CSMD3: variants seen among roughly 807,000 people sequenced by gnomAD.
The protein encoded by CSMD3 is CUB and Sushi multiple domains 3.
CSMD3 carries 177 observed loss-of-function variants against 435.2 expected under a neutral mutation model. The observed-to-expected ratio is 0.41, with a 90% CI of 0.36 to 0.46. The LOEUF is 0.46. CSMD3 is among the 20% of genes least tolerant of loss of function. The pLI is 0.34. For synonymous variants in CSMD3, 1,656 were observed against 1,520.5 expected (o/e 1.09, Z -2.07); for missense variants, 4,265 against 4,504.6 (o/e 0.95, Z 1.52).
At position 112,994,467 on chromosome 8, in the gene CSMD3, T is replaced by G. The variant is rs566093812; in HGVS notation, c.1031-18319A>C. On this transcript the variant is annotated intron_variant, in intron 6 of 70. Transcript: ENST00000297405. The stretch of plus-strand genomic sequence containing the variant: ...ATATAAAATGCCCTTTTGTCAATAT[T>G]TTTTCATGAAAAATTATCATACAGG... 1.2e-4 allele frequency among the ~76,000 whole-genome samples: 18 copies of G among 151,786 alleles called. No individual in the cohort carries two copies. The East Asian group carries it at 3.5e-3, about 29-fold the overall frequency.
At chr8:113,215,976 G>A (rs917294298) in intron 3 of CSMD3, among the ~76,000 whole-genome samples, 1 of 151,658 alleles carries the variant, frequency 6.6e-6, no homozygotes, top group African/African-American at 2.4e-5. Context: ...CAAAAAGGCA[G>A]GGAGAACAGC....
chr8:112,552,021 A>G (rs999593591), intron 26 of CSMD3, among the ~76,000 whole-genome samples: 6 of 151,974 alleles, frequency 3.9e-5, no homozygotes, highest in African/African-American at 1.4e-4. Flanking sequence ...GGTAGTAACA[A>G]TGTGAGGAAC....
At chr8:112,598,780 A>G (rs1290223452) in intron 22 of CSMD3, among the ~76,000 whole-genome samples, 2 of 152,152 alleles carry the variant, frequency 1.3e-5, no homozygotes, top group Non-Finnish European at 2.9e-5. Flanking sequence ...AGGATTCCCT[A>G]TTTAATAAAT....
At chr8:112,331,987 T>C (rs1824112835) in intron 45 of CSMD3, among the ~76,000 whole-genome samples, 1 of 152,112 alleles carries the variant, frequency 6.6e-6, no homozygotes, top group Admixed American at 6.6e-5. Flanking sequence ...GGATGTAATT[T>C]AGAAATTACA....
intron 41 of CSMD3, among the ~76,000 whole-genome samples, chr8:112,343,003 A>ATATATATATATATT (rs58579812): frequency 6.6e-5 from 8 of 120,870 alleles, no homozygotes; most frequent in Admixed American, 1.8e-4. Context: ...ATATATATTT[A>ATATATATATATATT]TATATATATA....
chr8:113,343,398 G>T (rs528651442), intron 1 of CSMD3, among the ~76,000 whole-genome samples: 22 of 152,008 alleles, frequency 1.4e-4, no homozygotes, highest in Admixed American at 1.4e-3. Context: ...TAGTAAAATT[G>T]AAAACATATC....
At chr8:113,025,011 G>A (rs933728041) in intron 5 of CSMD3, among the ~76,000 whole-genome samples, 2 of 132,626 alleles carry the variant, frequency 1.5e-5, no homozygotes, top group Non-Finnish European at 3.1e-5. Context: ...TGTTTCACTT[G>A]AGATAACTGT....
intron 13 of CSMD3, among the ~76,000 whole-genome samples, chr8:112,691,207 C>A (rs1464669857): frequency 1.3e-5 from 2 of 152,124 alleles, no homozygotes; most frequent in Non-Finnish European, 2.9e-5. Context: ...ATCCTTGTAT[C>A]CTTAGCAGAA....
At chr8:113,365,685 A>C (rs1167603025) in intron 1 of CSMD3, among the ~76,000 whole-genome samples, 1 of 152,050 alleles carries the variant, frequency 6.6e-6, no homozygotes, top group Non-Finnish European at 1.5e-5. Context: ...CACTGCCAGC[A>C]AACAAAAATC....
chr8:113,393,717 A>T (rs1198442838), intron 1 of CSMD3, among the ~76,000 whole-genome samples: 1 of 152,156 alleles, frequency 6.6e-6, no homozygotes, highest in South Asian at 2.1e-4. Context: ...AACAGATAAC[A>T]AAAATAGTTT....
chr8:112,693,242 GAAAAGATT>G (rs1563860269), intron 13 of CSMD3, among the ~76,000 whole-genome samples: 1 of 152,008 alleles, frequency 6.6e-6, no homozygotes, highest in African/African-American at 2.4e-5. Context: ...TACAGAAAAG[GAAAAGATT>G]AAACAGGAAG....
At chr8:112,751,509 C>T (rs1328350712) in intron 13 of CSMD3, among the ~76,000 whole-genome samples, 4 of 151,972 alleles carry the variant, frequency 2.6e-5, no homozygotes, top group Admixed American at 6.6e-5. Flanking sequence ...ACAAGGTTTA[C>T]GATTGCTCAC....
intron 28 of CSMD3, among the ~76,000 whole-genome samples, chr8:112,516,334 A>G (rs555277998): frequency 6.6e-6 from 1 of 152,306 alleles, no homozygotes; most frequent in South Asian, 2.1e-4. Context: ...AAGATGACAC[A>G]AATACTAAAG....
At chr8:112,753,367 A>T (rs975095893) in intron 13 of CSMD3, among the ~76,000 whole-genome samples, 1 of 152,194 alleles carries the variant, frequency 6.6e-6, no homozygotes, top group African/African-American at 2.4e-5. Flanking sequence ...TTCATTTTTT[A>T]TAAAGGAGGA....
At chr8:112,909,572 T>G (rs1291754703) in intron 10 of CSMD3, among the ~76,000 whole-genome samples, 2 of 151,792 alleles carry the variant, frequency 1.3e-5, no homozygotes, top group African/African-American at 4.8e-5. Flanking sequence ...AATTCATGCT[T>G]CATAAAGGCA....
At chr8:113,034,310 A>T (rs1295400749) in intron 5 of CSMD3, among the ~76,000 whole-genome samples, 2 of 151,652 alleles carry the variant, frequency 1.3e-5, no homozygotes, top group East Asian at 3.9e-4. Flanking sequence ...TTGTTCATCA[A>T]CTGATGAATG....
chr8:113,158,492 T>C (rs1031761839), intron 4 of CSMD3, among the ~76,000 whole-genome samples: 7 of 152,114 alleles, frequency 4.6e-5, no homozygotes, highest in African/African-American at 1.7e-4. Context: ...GAATTGACTC[T>C]GTCAAAGTTC....
intron 56 of CSMD3, among the ~76,000 whole-genome samples, chr8:112,290,151 CAA>C (rs1819619612): frequency 6.6e-6 from 1 of 151,968 alleles, no homozygotes; most frequent in Non-Finnish European, 1.5e-5. Flanking sequence ...ATAGCAGAAT[CAA>C]AAGTCAATAC....
chr8:113,320,647 G>T (rs1366942398), intron 1 of CSMD3, among the ~76,000 whole-genome samples: 1 of 151,942 alleles, frequency 6.6e-6, no homozygotes, highest in Non-Finnish European at 1.5e-5. Context: ...AATTGTTCTT[G>T]TCATCTTTGT....
Sources: gnomAD v4.1 joint callset for allele counts (sites outside exome capture counted in the v4.1 genomes callset) on GRCh38, gnomAD v4.1.1 for gene constraint, MANE v1.5 for transcripts, NCBI Gene and HGNC (gene_info 2026-07-23, HGNC 2026-07-21) for gene names.